CADPS2: variants seen among roughly 807,000 people sequenced by gnomAD.
The protein encoded by CADPS2 is calcium-dependent secretion activator 2.
CADPS2 carries 93 observed loss-of-function variants against 172.5 expected under a neutral mutation model. The ratio of observed to expected loss-of-function variants is 0.54; its 90% CI spans 0.46 to 0.64. CADPS2 has a LOEUF of 0.64. Among genes scored for constraint, CADPS2 ranks in the 30% least tolerant of loss-of-function variants. The pLI is 0.00. For synonymous variants in CADPS2, 546 were observed against 555.2 expected, an observed-to-expected ratio of 0.98 and a Z score of 0.23; for missense variants, 1,420 against 1,565.9, an observed-to-expected ratio of 0.91 and a Z score of 1.57.
chr7:122,844,338 C>T (rs957823041), intron 1 of CADPS2, among the ~76,000 whole-genome samples: 10 of 152,198 alleles, frequency 6.6e-5, no homozygotes, highest in South Asian at 2.1e-4. Flanking sequence ...AAACATCCCG[C>T]TTGCCCTTGA....
At chr7:122,328,241 A>G (rs1393431181) in intron 28 of CADPS2, among the ~76,000 whole-genome samples, 1 of 152,078 alleles carries the variant, frequency 6.6e-6, no homozygotes, top group African/African-American at 2.4e-5. Flanking sequence ...GCTGGGATTA[A>G]TACGTCCTCC....
chr7:122,377,891 T>C (rs114659528), intron 25 of CADPS2, among the ~76,000 whole-genome samples: 187 of 152,196 alleles, frequency 1.2e-3, no homozygotes, highest in African/African-American at 4.4e-3. Context: ...TTGTGGTTGT[T>C]TTCCACTCTA....
At chr7:122,772,082 T>C (rs929093764) in intron 1 of CADPS2, among the ~76,000 whole-genome samples, 2 of 152,108 alleles carry the variant, frequency 1.3e-5, no homozygotes, top group Admixed American at 6.5e-5. Flanking sequence ...ACACTTGACA[T>C]GGAGGAGTGA....
intron 25 of CADPS2, among the ~76,000 whole-genome samples, chr7:122,361,562 A>T (rs1395750511): frequency 6.6e-6 from 1 of 152,120 alleles, no homozygotes. Context: ...AAAATAAAAG[A>T]TAATGTGTCA....
chr7:122,410,911 T>C (rs757482750), intron 19 of CADPS2, among the ~76,000 whole-genome samples: 4 of 152,330 alleles, frequency 2.6e-5, no homozygotes, highest in Middle Eastern at 3.4e-3. Flanking sequence ...TCAGGTAGAT[T>C]GTACAATTAT....
chr7:122,563,808 G>T (rs1252990978), intron 7 of CADPS2, among the ~76,000 whole-genome samples: 1 of 152,074 alleles, frequency 6.6e-6, no homozygotes, highest in African/African-American at 2.4e-5. Context: ...TTTGGGATTG[G>T]CTAGCTAATT....
intron 2 of CADPS2, among the ~76,000 whole-genome samples, chr7:122,666,274 C>G (rs1011420268): frequency 1.6e-4 from 24 of 151,980 alleles, no homozygotes; most frequent in Non-Finnish European, 4.4e-5. Context: ...AGGATGGACT[C>G]TGCCAGCTGT....
chr7:122,392,411 C>A (rs912581920), intron 22 of CADPS2, among the ~76,000 whole-genome samples: 2 of 151,036 alleles, frequency 1.3e-5, no homozygotes, highest in African/African-American at 4.9e-5. Flanking sequence ...TAAATCATCA[C>A]AAAAACATCT....
intron 29 of CADPS2, among the ~76,000 whole-genome samples, chr7:122,324,343 C>T (rs1450539016): frequency 6.6e-6 from 1 of 152,014 alleles, no homozygotes; most frequent in Non-Finnish European, 1.5e-5. Flanking sequence ...ACTGTAGGAA[C>T]CAAAGGAATA....
intron 5 of CADPS2, among the ~76,000 whole-genome samples, chr7:122,618,710 G>A (rs1174973477): frequency 6.6e-6 from 1 of 152,116 alleles, no homozygotes; most frequent in Non-Finnish European, 1.5e-5. Flanking sequence ...GAAATATGGG[G>A]TCTGAGGAGC....
intron 1 of CADPS2, among the ~76,000 whole-genome samples, chr7:122,866,326 T>C (rs916249136): frequency 1.3e-5 from 2 of 152,190 alleles, no homozygotes; most frequent in Admixed American, 6.6e-5. Flanking sequence ...CAAATTGGTC[T>C]TTCTTCTTCT....
intron 9 of CADPS2, among the ~76,000 whole-genome samples, chr7:122,510,452 G>A (rs922915326): frequency 1.3e-5 from 2 of 152,070 alleles, no homozygotes; most frequent in Non-Finnish European, 2.9e-5. Context: ...TCTTTGAAAC[G>A]TCTTTTCACC....
In CADPS2 at chr7:122,663,507, G is replaced by A; in HGVS notation, c.516C>T (p.Asp172=). 1 of 1,610,294 alleles carries A rather than the reference G, an allele frequency of 6.2e-7. No homozygotes were observed. The highest frequency in any genetic ancestry group is 1.1e-5 in the South Asian group (1 of 90,648). ...TGTTTTTCTTAAATACTTCTCTGAA[G>A]TCATTAGCAGAACACCCTCCACTCT... ...MVQSGGCSAN[D]FREVFKKNIE... The change falls in exon 3 of 30, where the codon GAC becomes GAT. Residue 172 remains aspartate, a synonymous_variant. Transcript: ENST00000449022.
intron 8 of CADPS2, among the ~76,000 whole-genome samples, chr7:122,523,910 G>A (rs2131103509): frequency 6.6e-6 from 1 of 152,210 alleles, no homozygotes; most frequent in East Asian, 1.9e-4. Context: ...TTGCAGAGAG[G>A]TCTATTCCTC....
intron 9 of CADPS2, 92 bp downstream of exon 9, chr7:122,513,157 A>C (rs1416488487): frequency 3.6e-6 from 3 of 828,844 alleles, no homozygotes; most frequent in Non-Finnish European, 3.9e-6. Context: ...TTTAATTTCT[A>C]AAACAGTAAA....
intron 8 of CADPS2, among the ~76,000 whole-genome samples, chr7:122,539,763 C>CTGTTTCTCTCTG (rs1316738682): frequency 1.3e-5 from 2 of 152,036 alleles, no homozygotes; most frequent in African/African-American, 2.4e-5. Flanking sequence ...CTCTCTCTGT[C>CTGTTTCTCTCTG]TCTGTCTCTC....
chr7:122,428,263 G>A (rs73431535), intron 17 of CADPS2, among the ~76,000 whole-genome samples: 6,643 of 151,934 alleles, frequency 0.044, 340 homozygotes, highest in African/African-American at 0.12. Flanking sequence ...AAAAATCACC[G>A]TTGCCTTAGC....
intron 3 of CADPS2, among the ~76,000 whole-genome samples, chr7:122,635,757 G>C (rs1253070285): frequency 6.6e-6 from 1 of 152,122 alleles, no homozygotes; most frequent in Non-Finnish European, 1.5e-5. Flanking sequence ...AGGTCAAGAA[G>C]AACCCATTTT....
At chr7:122,836,256 C>T (rs1449015168) in intron 1 of CADPS2, among the ~76,000 whole-genome samples, 2 of 152,044 alleles carry the variant, frequency 1.3e-5, no homozygotes, top group Non-Finnish European at 2.9e-5. Flanking sequence ...ACCAGGCCTG[C>T]CCTAAAAGAG....
Sources: allele counts gnomAD v4.1 joint callset (sites outside exome capture counted in the v4.1 genomes callset), GRCh38; gene constraint gnomAD v4.1.1; transcripts MANE v1.5; gene names NCBI Gene and HGNC (gene_info 2026-07-23, HGNC 2026-07-21).